MECOM: variants seen among roughly 807,000 people sequenced by gnomAD.
The protein encoded by MECOM is histone-lysine N-methyltransferase MECOM.
Under a neutral mutation model 116.3 loss-of-function variants are expected in MECOM, and 13 were observed. The observed-to-expected ratio is 0.11, with a 90% CI of 0.07 to 0.18. The LOEUF (loss-of-function observed/expected upper bound fraction) is 0.18, where lower values mean the gene tolerates loss of function less well. Among genes scored for constraint, MECOM ranks in the 10% least tolerant of loss-of-function variants. The pLI is 1.00. For missense variants in MECOM, 1,299 were observed against 1,509.0 expected, an observed-to-expected ratio of 0.86 and a Z score of 2.31; for synonymous variants, 528 against 535.2, an observed-to-expected ratio of 0.99 and a Z score of 0.19.
At chr3:169,304,546 G>A (rs950972819) in intron 2 of MECOM, among the ~76,000 whole-genome samples, 2 of 152,182 alleles carry the variant, frequency 1.3e-5, no homozygotes, top group Non-Finnish European at 2.9e-5. Context: ...CCATTCAGAA[G>A]TTGAAGTGCT....
intron 1 of MECOM, among the ~76,000 whole-genome samples, chr3:169,542,869 G>C (rs1576795686): frequency 6.6e-6 from 1 of 152,150 alleles, no homozygotes; most frequent in African/African-American, 2.4e-5. Context: ...TTGGAAAGTT[G>C]AAGCAACTCC....
Position 169,493,567 on chromosome 3 carries a change from A to G in MECOM, c.38-112043T>C, listed in dbSNP as rs775303643. On this transcript the variant is annotated intron_variant, in intron 1 of 16. Coordinates refer to ENST00000651503, the MANE Select transcript of MECOM (RefSeq NM_004991.4). ...GACATATGTATTTTTATATATACACATATGTATACATATATATATATATTT... is the reference window on the plus strand; with the variant it reads ...GACATATGTATTTTTATATATACACGTATGTATACATATATATATATATTT... Among the ~76,000 whole-genome samples the G allele has an allele frequency of 1.1e-4, 16 of 145,010 alleles. 1 individual carries two copies. The highest frequency in any genetic ancestry group is 4.3e-4 in the African/African-American group (16 of 37,486).
At chr3:169,398,014 T>C (rs1735284890) in intron 1 of MECOM, among the ~76,000 whole-genome samples, 1 of 152,090 alleles carries the variant, frequency 6.6e-6, no homozygotes, top group Non-Finnish European at 1.5e-5. Context: ...TAGCAAAGAG[T>C]GATCAATCAA....
intron 2 of MECOM, among the ~76,000 whole-genome samples, chr3:169,168,244 T>C (rs1743902736): frequency 6.6e-6 from 1 of 152,090 alleles, no homozygotes; most frequent in South Asian, 2.1e-4. Flanking sequence ...AGACAGGGTC[T>C]CGCTTAGTTG....
At chr3:169,445,651 G>A (rs1244563137) in intron 1 of MECOM, among the ~76,000 whole-genome samples, 1 of 152,126 alleles carries the variant, frequency 6.6e-6, no homozygotes, top group Non-Finnish European at 1.5e-5. Context: ...GCTGTGAGAA[G>A]GGGACCACCA....
At chr3:169,656,114 T>A (rs532323577) in intron 1 of MECOM, among the ~76,000 whole-genome samples, 25 of 152,330 alleles carry the variant, frequency 1.6e-4, no homozygotes, top group Non-Finnish European at 3.4e-4. Context: ...TGATATTTGT[T>A]GTGTAAGCCT....
chr3:169,536,646 G>T (rs1759401736), intron 1 of MECOM, among the ~76,000 whole-genome samples: 1 of 152,066 alleles, frequency 6.6e-6, no homozygotes, highest in Non-Finnish European at 1.5e-5. Flanking sequence ...ACTTCCAAAG[G>T]GGAAAATCCA....
At chr3:169,101,074 C>T (rs995825788) in intron 11 of MECOM, 112 bp from the exon 12 acceptor site, 2 of 534,646 alleles carry the variant, frequency 3.7e-6, no homozygotes, top group Admixed American at 3.0e-5. Flanking sequence ...GCATGGAACT[C>T]ACATTTCTTT....
intron 1 of MECOM, among the ~76,000 whole-genome samples, chr3:169,425,432 G>A (rs997205397): frequency 6.6e-6 from 1 of 152,080 alleles, no homozygotes; most frequent in Non-Finnish European, 1.5e-5. Flanking sequence ...ATTTTAAAAA[G>A]ATCTGAGCTT....
chr3:169,328,437 C>T (rs974549250), intron 2 of MECOM, among the ~76,000 whole-genome samples: 2 of 152,138 alleles, frequency 1.3e-5, no homozygotes, highest in African/African-American at 4.8e-5. Context: ...AATGAAAAAC[C>T]CAGAACTCCA....
intron 1 of MECOM, chr3:169,467,222 T>C (rs972160968): frequency 7.9e-5 from 12 of 152,198 alleles, no homozygotes; most frequent in African/African-American, 2.4e-4. Context: ...TTAAGCCTGG[T>C]TGAATTTTCA....
chr3:169,641,331 C>G (rs6799494), intron 1 of MECOM, among the ~76,000 whole-genome samples: 6,441 of 152,198 alleles, frequency 0.042, 441 homozygotes, highest in African/African-American at 0.14. Flanking sequence ...ACTGACTGTT[C>G]TCTATTTGCA....
At chr3:169,424,340 C>T (rs1025141226) in intron 1 of MECOM, among the ~76,000 whole-genome samples, 2 of 152,094 alleles carry the variant, frequency 1.3e-5, no homozygotes, top group African/African-American at 4.8e-5. Flanking sequence ...CTAAACCCTG[C>T]AACTGATTTT....
intron 1 of MECOM, among the ~76,000 whole-genome samples, chr3:169,429,482 G>A (rs563018861): frequency 7.9e-5 from 12 of 152,326 alleles, no homozygotes; most frequent in Non-Finnish European, 1.5e-4. Context: ...TCAGAGACTA[G>A]CATGCTATCT....
intron 10 of MECOM, among the ~76,000 whole-genome samples, chr3:169,105,828 T>C (rs1725225024): frequency 6.6e-6 from 1 of 152,176 alleles, no homozygotes; most frequent in Admixed American, 6.6e-5. Flanking sequence ...CAAACTAATA[T>C]TTAGACACAA....
chr3:169,290,293 T>C (rs1275437186), intron 2 of MECOM, among the ~76,000 whole-genome samples: 2 of 152,102 alleles, frequency 1.3e-5, no homozygotes, highest in African/African-American at 4.8e-5. Context: ...CAAGGTTAAT[T>C]TGTATGTTTA....
chr3:169,569,479 G>A (rs1763629881), intron 1 of MECOM, among the ~76,000 whole-genome samples: 2 of 152,266 alleles, frequency 1.3e-5, no homozygotes, highest in Non-Finnish European at 2.9e-5. Context: ...GGACCAAGCA[G>A]ACCTAATAGA....
Position 169,171,044 on chromosome 3 carries a change from T to C in MECOM, c.376-27212A>G, listed in dbSNP as rs552627516. 2.0e-5 allele frequency among the ~76,000 whole-genome samples: 3 copies of C among 152,358 alleles called. No homozygotes were observed. The South Asian group carries it at 6.2e-4, about 32-fold the overall frequency. ...TTCAAAGGTACTCCTGGAATTTCTT[T>C]TTTATGTCACTGTATGCTTATAAAT... is the stretch of plus-strand genomic sequence containing the variant. On this transcript the variant is annotated intron_variant, in intron 2 of 16. Transcript: ENST00000651503.
chr3:169,476,955 G>A (rs984069218), intron 1 of MECOM: 3 of 150,550 alleles, frequency 2.0e-5, no homozygotes, highest in Middle Eastern at 3.4e-3. Flanking sequence ...ATGAGACAAC[G>A]GACTGTGCCA....
Sources: allele counts gnomAD v4.1 joint callset (sites outside exome capture counted in the v4.1 genomes callset), GRCh38; gene constraint gnomAD v4.1.1; transcripts MANE v1.5; gene names NCBI Gene and HGNC (gene_info 2026-07-23, HGNC 2026-07-21).